The following FGF12 variants were observed in gnomAD, a reference collection of about 807,000 sequenced individuals.
The protein encoded by FGF12 is fibroblast growth factor 12, also known as fibroblast growth factor 12B.
A neutral mutation model predicts 23.6 loss-of-function variants in FGF12; 14 were observed. The ratio of observed to expected loss-of-function variants is 0.59; its 90% CI spans 0.39 to 0.93. The LOEUF (loss-of-function observed/expected upper bound fraction) is 0.93, where lower values mean the gene tolerates loss of function less well. Ranked by LOEUF, FGF12 falls within the 40% of genes least tolerant of loss-of-function variation. The pLI, the probability that FGF12 is intolerant of heterozygous loss-of-function variation, is 0.00. For synonymous variants in FGF12, 62 were observed against 77.3 expected (o/e 0.80, Z 1.04); for missense variants, 175 against 217.8 (o/e 0.80, Z 1.24).
chr3:192,400,994 G>A (rs1254582587), intron 2 of FGF12, among the ~76,000 whole-genome samples: 2 of 152,100 alleles, frequency 1.3e-5, no homozygotes, highest in Non-Finnish European at 2.9e-5. Flanking sequence ...ACCCCGAAGA[G>A]CTTTGTGCTT....
chr3:192,321,309 C>T (rs556817305), intron 4 of FGF12, among the ~76,000 whole-genome samples: 2 of 152,004 alleles, frequency 1.3e-5, no homozygotes, highest in South Asian at 4.1e-4. Flanking sequence ...GAAGCTGTAA[C>T]AAAAAGTCTC....
rs144958946 is a variant in FGF12 at position 192,528,117 on chromosome 3, T to A, written c.14-167579A>T. 4.2e-3 allele frequency among the ~76,000 whole-genome samples: 636 copies of A among 152,156 alleles called. 4 individuals are homozygous for A. Among genetic ancestry groups the A allele is most frequent in the African/African-American group, 0.015 (610 of 41,516 alleles). ...AAGCCTTCCCAATAGTCCTCCAAAG[T>A]CATAACTCATTTCAGCATTAACTCA... On this transcript the variant is annotated intron_variant, in intron 2 of 5. Coordinates refer to ENST00000445105, the MANE Select transcript of FGF12 (RefSeq NM_004113.6).
chr3:192,369,318 C>T (rs558400262), intron 2 of FGF12, among the ~76,000 whole-genome samples: 28 of 152,300 alleles, frequency 1.8e-4, no homozygotes, highest in African/African-American at 6.3e-4. Context: ...GCCTCTAATG[C>T]GTTTCTTCCA....
intron 2 of FGF12, among the ~76,000 whole-genome samples, chr3:192,389,962 G>A (rs1365297476): frequency 1.3e-5 from 2 of 152,156 alleles, no homozygotes; most frequent in East Asian, 3.9e-4. Context: ...GGTAACCCAG[G>A]TATATAAAGA....
At chr3:192,710,117 C>T (rs184493414) in intron 2 of FGF12, among the ~76,000 whole-genome samples, 2 of 152,162 alleles carry the variant, frequency 1.3e-5, no homozygotes, top group African/African-American at 4.8e-5. Flanking sequence ...CCTTAATGAC[C>T]CTTACGTCTG....
At chr3:192,679,619 A>G (rs968482971) in intron 2 of FGF12, among the ~76,000 whole-genome samples, 9 of 146,446 alleles carry the variant, frequency 6.1e-5, no homozygotes, top group East Asian at 3.9e-4. Context: ...ACCGTCCCCC[A>G]CCCCAGCCTG....
rs1715877241 is a variant in FGF12 at position 192,643,366 on chromosome 3, A to T, written c.13+83815T>A. ...TCCAACTGTCTTAATCAGTGAGGAA[A>T]CTACCACCAAAGGGGATTTTGTCCA... On this transcript the variant is annotated intron_variant, in intron 2 of 5. Coordinates refer to ENST00000445105, the MANE Select transcript of FGF12 (RefSeq NM_004113.6). Among the ~76,000 whole-genome samples, 3 of 152,224 alleles carry T rather than the reference A, an allele frequency of 2.0e-5. No homozygotes were observed. The South Asian group carries it at 6.2e-4, about 31-fold the overall frequency.
intron 2 of FGF12, among the ~76,000 whole-genome samples, chr3:192,645,124 G>A (rs1715954399): frequency 6.6e-6 from 1 of 152,220 alleles, no homozygotes; most frequent in East Asian, 1.9e-4. Context: ...CTTGGGGCTT[G>A]CAGGCCAAGT....
At chr3:192,515,797 AG>A (rs1331250318) in intron 2 of FGF12, among the ~76,000 whole-genome samples, 1 of 150,898 alleles carries the variant, frequency 6.6e-6, no homozygotes, top group African/African-American at 2.4e-5. Context: ...ATGAGTTTAA[AG>A]ATCTCGATTT....
intron 2 of FGF12, among the ~76,000 whole-genome samples, chr3:192,711,114 A>T (rs1718652072): frequency 6.6e-6 from 1 of 152,252 alleles, no homozygotes; most frequent in Non-Finnish European, 1.5e-5. Context: ...CAAATATAAA[A>T]ATATCTTCGG....
intron 4 of FGF12, among the ~76,000 whole-genome samples, chr3:192,268,122 C>T (rs143338289): frequency 7.2e-5 from 11 of 152,294 alleles, no homozygotes; most frequent in Admixed American, 3.3e-4. Context: ...TAATGTTTAA[C>T]GTAAATATTT....
intron 2 of FGF12, among the ~76,000 whole-genome samples, chr3:192,559,060 G>A (rs1017257704): frequency 2.0e-5 from 3 of 151,656 alleles, no homozygotes; most frequent in Non-Finnish European, 3.0e-5. Flanking sequence ...TTAATTTGAC[G>A]CTGAAAATAC....
chr3:192,411,682 G>A (rs1043536166), intron 2 of FGF12, among the ~76,000 whole-genome samples: 4 of 152,168 alleles, frequency 2.6e-5, no homozygotes, highest in African/African-American at 9.7e-5. Flanking sequence ...TCATTCTTGA[G>A]CAAGGCAGAC....
At chr3:192,379,402 C>T (rs912301490) in intron 2 of FGF12, among the ~76,000 whole-genome samples, 2 of 138,116 alleles carry the variant, frequency 1.4e-5, no homozygotes, top group South Asian at 2.3e-4. Context: ...CTCAATTTTG[C>T]GTGAACCTGA....
chr3:192,550,257 T>C (rs1725598935), intron 2 of FGF12, among the ~76,000 whole-genome samples: 1 of 151,242 alleles, frequency 6.6e-6, no homozygotes. Context: ...TGTATATATA[T>C]GTATGTGCAT....
At chr3:192,506,817 GT>G (rs1234625030) in intron 2 of FGF12, among the ~76,000 whole-genome samples, 1 of 151,758 alleles carries the variant, frequency 6.6e-6, no homozygotes, top group African/African-American at 2.4e-5. Flanking sequence ...ATGCTGGTCA[GT>G]TGTGTCTAAA....
At chr3:192,284,541 T>C (rs1714336223) in intron 4 of FGF12, among the ~76,000 whole-genome samples, 1 of 151,994 alleles carries the variant, frequency 6.6e-6, no homozygotes, top group Middle Eastern at 3.2e-3. Flanking sequence ...GAGGAGATTT[T>C]CAAAAAAATA....
intron 2 of FGF12, among the ~76,000 whole-genome samples, chr3:192,624,323 AG>A (rs919185937): frequency 1.3e-5 from 2 of 152,200 alleles, no homozygotes; most frequent in Non-Finnish European, 2.9e-5. Context: ...AACATAATTT[AG>A]ATGAATATCT....
At chr3:192,549,715 A>G (rs1725585111) in intron 2 of FGF12, among the ~76,000 whole-genome samples, 1 of 152,170 alleles carries the variant, frequency 6.6e-6, no homozygotes, top group South Asian at 2.1e-4. Context: ...GAAGACCTGA[A>G]TAGACAAAAA....
Sources: gnomAD v4.1 joint callset for allele counts (sites outside exome capture counted in the v4.1 genomes callset) on GRCh38, gnomAD v4.1.1 for gene constraint, MANE v1.5 for transcripts, NCBI Gene and HGNC (gene_info 2026-07-23, HGNC 2026-07-21) for gene names.